FAM171A1: variants seen among roughly 807,000 people sequenced by gnomAD.
FAM171A1 encodes protein FAM171A1.
FAM171A1 carries 23 observed loss-of-function variants against 74.9 expected under a neutral mutation model. The ratio of observed to expected loss-of-function variants is 0.31; its 90% CI spans 0.22 to 0.44. The LOEUF (loss-of-function observed/expected upper bound fraction) is 0.44, where lower values mean the gene tolerates loss of function less well. Among genes scored for constraint, FAM171A1 ranks in the 20% least tolerant of loss-of-function variants. The pLI, the probability that FAM171A1 is intolerant of heterozygous loss-of-function variation, is 1.00. For synonymous variants in FAM171A1, 527 were observed against 505.7 expected, an observed-to-expected ratio of 1.04 and a Z score of -0.57; for missense variants, 1,162 against 1,159.2, an observed-to-expected ratio of 1.00 and a Z score of -0.03.
chr10:15,217,511 A>C (rs1297638760), intron 6 of FAM171A1, among the ~76,000 whole-genome samples: 2 of 152,236 alleles, frequency 1.3e-5, no homozygotes, highest in Admixed American at 6.5e-5. Flanking sequence ...ATGTTACTTA[A>C]ATTCACAAGA....
chr10:15,312,886 G>T lies in FAM171A1; in HGVS notation c.98-28781C>A, dbSNP rs377224754. On this transcript the variant is annotated intron_variant, in intron 1 of 7. Transcript: ENST00000378116. ...AATTTTTGTATTTTTAGTAGAGATGGGTTTCACAATGTTGGCCTGGCTGGT... is the reference window on the plus strand; with the variant it reads ...AATTTTTGTATTTTTAGTAGAGATGTGTTTCACAATGTTGGCCTGGCTGGT... Among the ~76,000 whole-genome samples, 8 of 151,542 alleles carry T rather than the reference G, an allele frequency of 5.3e-5. No homozygotes were observed. In the East Asian group the frequency reaches 1.6e-3, roughly 30 times the overall value.
At chr10:15,219,382 T>C (rs890111499) in intron 6 of FAM171A1, among the ~76,000 whole-genome samples, 3 of 152,188 alleles carry the variant, frequency 2.0e-5, no homozygotes, top group Admixed American at 2.0e-4. Flanking sequence ...TAGCTGAGAT[T>C]GAAATACATC....
At chr10:15,331,134 CTG>C (rs1157531684) in intron 1 of FAM171A1, among the ~76,000 whole-genome samples, 37 of 152,106 alleles carry the variant, frequency 2.4e-4, no homozygotes, top group Non-Finnish European at 4.7e-4. Flanking sequence ...AAGTGATCCA[CTG>C]CCTTGGCCTC....
chr10:15,304,544 G>T (rs575210270), intron 1 of FAM171A1, among the ~76,000 whole-genome samples: 1 of 152,156 alleles, frequency 6.6e-6, no homozygotes, highest in Non-Finnish European at 1.5e-5. Context: ...TGCTGCGGCC[G>T]CATACCCTGC....
At chr10:15,249,747 A>G (rs1484958295) in intron 4 of FAM171A1, among the ~76,000 whole-genome samples, 2 of 152,226 alleles carry the variant, frequency 1.3e-5, no homozygotes, top group Non-Finnish European at 2.9e-5. Context: ...CAGTATACCA[A>G]TTATTTTCCA....
Position 15,370,929 on chromosome 10 carries a change from C to T in FAM171A1, c.97+27G>A, listed in dbSNP as rs1836136631. ...GCGCCAGGCCCGGCGCGACACAAAG[C>T]CCCCGGCCCCGCCGCCGCCCACTGA... On this transcript the variant is annotated intron_variant, in intron 1 of 7. Coordinates refer to ENST00000378116, the MANE Select transcript of FAM171A1 (RefSeq NM_001010924.2). The T allele has an allele frequency of 2.7e-6, 3 of 1,094,610 alleles. 1 individual carries two copies. Among genetic ancestry groups the T allele is most frequent in the Admixed American group, 3.7e-5 (1 of 27,008 alleles). 67.8% of individuals were successfully genotyped at this position (1,094,610 alleles called of 1,614,324 possible).
intron 1 of FAM171A1, among the ~76,000 whole-genome samples, chr10:15,365,316 G>T (rs1219011543): frequency 6.6e-6 from 1 of 152,208 alleles, no homozygotes; most frequent in Non-Finnish European, 1.5e-5. Context: ...AGAGTTTGAG[G>T]TAAACCTGGA....
At chr10:15,262,017 A>G (rs961088581) in intron 3 of FAM171A1, among the ~76,000 whole-genome samples, 1 of 152,230 alleles carries the variant, frequency 6.6e-6, no homozygotes, top group South Asian at 2.1e-4. Context: ...CCAGAGACAC[A>G]GGCAAGAGAA....
Position 15,300,511 on chromosome 10 carries a change from C to T in FAM171A1, c.98-16406G>A, listed in dbSNP as rs564513990. On this transcript the variant is annotated intron_variant, in intron 1 of 7. Transcript: ENST00000378116. Reference sequence around the variant, plus strand: ...AAAAGTATTCCTGATCTTTCCCCACCTGCAAGCATTCCACTAACTTTATTT... The same window carrying T: ...AAAAGTATTCCTGATCTTTCCCCACTTGCAAGCATTCCACTAACTTTATTT... 6.6e-5 allele frequency among the ~76,000 whole-genome samples: 10 copies of T among 152,234 alleles called. No individual in the cohort carries two copies. In the East Asian group the frequency reaches 1.4e-3, roughly 21 times the overall value.
chr10:15,230,150 AAGCCATC>A (rs1473212940), intron 5 of FAM171A1, among the ~76,000 whole-genome samples: 1 of 152,216 alleles, frequency 6.6e-6, no homozygotes, highest in Non-Finnish European at 1.5e-5. Flanking sequence ...ATCAAATAAA[AAGCCATC>A]AGCCCTTAAA....
In FAM171A1 at chr10:15,212,601, G is replaced by C. The variant is rs143835228; in HGVS notation, c.*314C>G. 2.7e-6 allele frequency: 1 copy of C among 373,868 alleles called. No individual in the cohort carries two copies. Among genetic ancestry groups the C allele is most frequent in the African/African-American group, 2.1e-5 (1 of 47,490 alleles). 23.2% of individuals were successfully genotyped at this position (373,868 alleles called of 1,614,324 possible). On this transcript the variant is annotated 3_prime_UTR_variant, in exon 8 of 8. Coordinates refer to ENST00000378116, the MANE Select transcript of FAM171A1 (RefSeq NM_001010924.2). ...AATCCGAGGGAGAACTGAGGTGATC[G>C]TTAGAGCATAGCGACATCACGTGCG...
intron 4 of FAM171A1, among the ~76,000 whole-genome samples, chr10:15,251,048 A>G (rs1167132205): frequency 6.6e-6 from 1 of 152,122 alleles, no homozygotes; most frequent in Admixed American, 6.5e-5. Flanking sequence ...CTCACTGCCT[A>G]TGTCACCTCT....
intron 1 of FAM171A1, among the ~76,000 whole-genome samples, chr10:15,347,834 CAAAAAAAA>C (rs71390034): frequency 3.5e-4 from 33 of 94,252 alleles, no homozygotes; most frequent in African/African-American, 1.3e-3. Flanking sequence ...GACTCCATCT[CAAAAAAAA>C]AAAAAAAAAA....
intron 1 of FAM171A1, among the ~76,000 whole-genome samples, chr10:15,344,018 C>T (rs1261567861): frequency 2.0e-5 from 3 of 152,168 alleles, no homozygotes; most frequent in African/African-American, 4.8e-5. Context: ...GGCAAGAAAC[C>T]TCAGGGATGG....
chr10:15,252,396 T>TC (rs1166201702), intron 4 of FAM171A1, among the ~76,000 whole-genome samples: 1 of 152,174 alleles, frequency 6.6e-6, no homozygotes, highest in Non-Finnish European at 1.5e-5. Context: ...ATGACGCTAG[T>TC]CATTTTCTGC....
At chr10:15,300,594 C>A (rs1588541260) in intron 1 of FAM171A1, among the ~76,000 whole-genome samples, 3 of 132,518 alleles carry the variant, frequency 2.3e-5, no homozygotes, top group Middle Eastern at 3.6e-3. Context: ...GTTAAGAACC[C>A]CCTCCCACCC....
chr10:15,315,305 C>T (rs1835409052), intron 1 of FAM171A1, among the ~76,000 whole-genome samples: 1 of 152,182 alleles, frequency 6.6e-6, no homozygotes, highest in Non-Finnish European at 1.5e-5. Flanking sequence ...TCCTTTGTCT[C>T]GGTTTCTCCC....
intron 1 of FAM171A1, among the ~76,000 whole-genome samples, chr10:15,332,508 C>T (rs1020303239): frequency 6.6e-6 from 1 of 152,160 alleles, no homozygotes; most frequent in Non-Finnish European, 1.5e-5. Flanking sequence ...CGCTGCTTGG[C>T]AATGCTTTCT....
chr10:15,332,863 C>T (rs1373231535), intron 1 of FAM171A1, among the ~76,000 whole-genome samples: 1 of 152,056 alleles, frequency 6.6e-6, no homozygotes, highest in Non-Finnish European at 1.5e-5. Flanking sequence ...AATCCCTGGG[C>T]AATCTAATGG....
Sources: gnomAD v4.1 joint callset for allele counts (sites outside exome capture counted in the v4.1 genomes callset) on GRCh38, gnomAD v4.1.1 for gene constraint, MANE v1.5 for transcripts, NCBI Gene and HGNC (gene_info 2026-07-23, HGNC 2026-07-21) for gene names.